Variants in SACS observed in about 807,000 individuals in gnomAD.
The protein encoded by SACS is sacsin.
In SACS, 197 loss-of-function variants were observed where a neutral mutation model predicts 348.0. The ratio of observed to expected loss-of-function variants is 0.57; its 90% confidence interval spans 0.50 to 0.64. The LOEUF is 0.64. Ranked by LOEUF, SACS falls within the 30% of genes least tolerant of loss-of-function variation. The pLI is 0.00. For synonymous variants in SACS, 1,985 were observed against 1,910.6 expected, an observed-to-expected ratio of 1.04 and a Z score of -1.02; for missense variants, 4,999 against 5,360.8, an observed-to-expected ratio of 0.93 and a Z score of 2.11.
Position 23,405,096 on chromosome 13 carries a change from A to T in SACS, c.20+6124T>A, listed in dbSNP as rs147249333. On this transcript the variant is annotated intron_variant, in intron 2 of 9. Coordinates refer to ENST00000382292, the MANE Select transcript of SACS (RefSeq NM_014363.6). Reference sequence around the variant, plus strand: ...TATGGAACCAAAAAAGAGCCCGTATAAGCCAAGATAATCTTAAGCAAAAAT... The same window carrying T: ...TATGGAACCAAAAAAGAGCCCGTATTAGCCAAGATAATCTTAAGCAAAAAT... Among the ~76,000 whole-genome samples the T allele has an allele frequency of 4.6e-5, 7 of 152,286 alleles. No homozygotes were observed. The East Asian group carries it at 1.4e-3, about 29-fold the overall frequency.
rs1215398697 is a variant in SACS, at chr13:23,333,987, C to CAA, written c.9888_9889insTT (p.Glu3297LeufsTer29). 1 of 1,613,782 alleles carries CAA rather than the reference C, an allele frequency of 6.2e-7. No homozygotes were observed. Among genetic ancestry groups the CAA allele is most frequent in the Non-Finnish European group, 8.5e-7 (1 of 1,179,848 alleles). ...CTGAGAGGAAGCAGAACATCTCCTT[C>CAA]AGGAACCACAAGCTGGTTGGCTGAA... On this transcript the variant is annotated frameshift_variant, in exon 10 of 10. Coordinates refer to ENST00000382292, the MANE Select transcript of SACS (RefSeq NM_014363.6). LOFTEE classifies it high-confidence loss of function.
At chr13:23,361,249 C>T (rs988814088) in intron 6 of SACS, among the ~76,000 whole-genome samples, 1 of 152,114 alleles carries the variant, frequency 6.6e-6, no homozygotes, top group Non-Finnish European at 1.5e-5. Context: ...GTAAAGAAAA[C>T]GAGAAGTCGG....
rs1195826873 is a variant in SACS, at chr13:23,331,087, G to C, written c.12789C>G (p.Thr4263=). ...CAGGGGTGAGGAACTCAGTGGGGCT[G>C]GTTGGTGTAGAAGGAGCACTGTCCC... is the stretch of plus-strand genomic sequence containing the variant. ...QSRDSAPSTP[T]SPTEFLTPGL... The change falls in exon 10 of 10, where the codon ACC becomes ACG. Residue 4263 remains threonine, a synonymous_variant. Coordinates refer to ENST00000382292, the MANE Select transcript of SACS (RefSeq NM_014363.6). 1.9e-6 allele frequency: 3 copies of C among 1,613,938 alleles called. No individual in the cohort carries two copies. Among genetic ancestry groups the C allele is most frequent in the East Asian group, 4.5e-5 (2 of 44,888 alleles).
At chr13:23,373,977 T>G (rs1261278020) in intron 3 of SACS, 1 of 152,282 alleles carries the variant, frequency 6.6e-6, no homozygotes, top group Non-Finnish European at 1.5e-5. Context: ...GCCCCTCCAC[T>G]GCCGCTGCTC....
intron 3 of SACS, among the ~76,000 whole-genome samples, chr13:23,372,700 T>C (rs1160694832): frequency 6.6e-6 from 1 of 152,158 alleles, no homozygotes; most frequent in African/African-American, 2.4e-5. Flanking sequence ...AAAAGCAAAC[T>C]GGTCATCATA....
At chr13:23,421,124 T>G (rs143778362) in intron 1 of SACS, among the ~76,000 whole-genome samples, 24 of 151,980 alleles carry the variant, frequency 1.6e-4, no homozygotes, top group Non-Finnish European at 3.2e-4. Context: ...TGGGGCCTTG[T>G]GTCCGCCTGG....
rs1713731105 is a variant in SACS at position 23,332,163 on chromosome 13, G to T, written c.11713C>A (p.Leu3905Ile). The T allele has an allele frequency of 7.4e-6, 12 of 1,613,888 alleles. No homozygotes were observed. Among genetic ancestry groups the T allele is most frequent in the Non-Finnish European group, 9.3e-6 (11 of 1,179,954 alleles). ...VRSDLENVRD[L>I]ALYLPSQDGR... ...TCCTGGCTTGGGAGGTAAAGCGCAAGGTCTCGTACATTCTCGAGATCACTC... is the reference window on the plus strand; with the variant it reads ...TCCTGGCTTGGGAGGTAAAGCGCAATGTCTCGTACATTCTCGAGATCACTC... Residue 3905 changes from leucine to isoleucine, a missense_variant, in exon 10 of 10, where the codon CTT (leucine) becomes ATT (isoleucine). Around this residue, in one of 6 missense-constraint regions of SACS, gnomAD observed 831 missense variants for 941.8 expected, o/e 0.88. Coordinates refer to ENST00000382292, the MANE Select transcript of SACS (RefSeq NM_014363.6).
rs766311635 is a variant in SACS, at chr13:23,368,419, C to T, written c.328G>A (p.Gly110Arg). ...LKDILRRYPE[G>R]GQILKELIQN... ...TGCCCCACCTTAAGAATCTGTCCTC[C>T]TTCTGGATATCTTCTCAAAATGTCC... Residue 110 changes from glycine (G) to arginine (R), a missense_variant, in exon 5 of 10, where the codon GGA (glycine) becomes AGA (arginine). Gly to Arg is a moderately radical substitution (Grantham distance 125). This residue lies in a region of SACS where 3,156 missense variants were observed against 3,380.1 expected (regional missense o/e 0.93). Coordinates refer to ENST00000382292, the MANE Select transcript of SACS (RefSeq NM_014363.6). 19 of 1,611,974 alleles carry T rather than the reference C, an allele frequency of 1.2e-5. No individual in the cohort carries two copies. The highest frequency in any genetic ancestry group is 8.4e-5 in the Admixed American group (5 of 59,828).
chr13:23,396,371 C>T (rs1038822726), intron 2 of SACS, among the ~76,000 whole-genome samples: 1 of 151,390 alleles, frequency 6.6e-6, no homozygotes, highest in African/African-American at 2.4e-5. Context: ...CCTAAAACTC[C>T]CAGAAATCCA....
chr13:23,399,434 G>A (rs78929687), intron 2 of SACS, among the ~76,000 whole-genome samples: 24,602 of 151,894 alleles, frequency 0.16, 2,314 homozygotes, highest in Non-Finnish European at 0.21. Flanking sequence ...TGCCCCTCCC[G>A]CCGAAACTAC....
At position 23,329,381 on chromosome 13, in the gene SACS, A is replaced by G; in HGVS notation, c.*755T>C. On this transcript the variant is annotated 3_prime_UTR_variant, in exon 10 of 10. Coordinates refer to ENST00000382292, the MANE Select transcript of SACS (RefSeq NM_014363.6). ...TAAAGCAAGTGTTCTAACAGTTAAT[A>G]AATGTTGTCTTGGCAAGCAGTTTCC... 1 of 741,616 alleles carries G rather than the reference A, an allele frequency of 1.3e-6. No homozygotes were observed. Among genetic ancestry groups the G allele is most frequent in the Non-Finnish European group, 2.5e-6 (1 of 403,798 alleles). The allele number at this position is 741,616 out of a possible 1,614,324, so 45.9% of individuals were successfully genotyped here. A position where few individuals can be genotyped will look rare whatever the true frequency, so the allele number is the denominator to read the frequency against.
intron 2 of SACS, among the ~76,000 whole-genome samples, chr13:23,391,060 C>T (rs532891178): frequency 1.3e-5 from 2 of 152,348 alleles, no homozygotes; most frequent in Admixed American, 6.5e-5. Flanking sequence ...AACACAGGGT[C>T]TCTGGGAATT....
At chr13:23,365,311 A>G (rs1870998219) in intron 5 of SACS, 34 bp from the exon 6 acceptor site, 1 of 1,177,378 alleles carries the variant, frequency 8.5e-7, no homozygotes, top group African/African-American at 1.5e-5. Context: ...ATAGTAATTA[A>G]TAACACAGTA....
rs1314005690 is a variant in SACS, at chr13:23,337,478, T to C, written c.6398A>G (p.Tyr2133Cys). 1 of 1,613,884 alleles carries C rather than the reference T, an allele frequency of 6.2e-7. No individual in the cohort carries two copies. Among genetic ancestry groups the C allele is most frequent in the Admixed American group, 1.7e-5 (1 of 59,998 alleles). Residue 2133 changes from tyrosine to cysteine, a missense_variant, in exon 10 of 10, where the codon TAT becomes TGT. Transcript: ENST00000382292. ...LFDIKDGRFP[Y>C]GSTQDYLNPI... ...ATTGAGATAATCCTGAGTAGAACCATAAGGGAATCTCCCATCTTTAATATC... is the reference window on the plus strand; with the variant it reads ...ATTGAGATAATCCTGAGTAGAACCACAAGGGAATCTCCCATCTTTAATATC...
At chr13:23,421,929 T>A (rs1245928834) in intron 1 of SACS, among the ~76,000 whole-genome samples, 1 of 151,762 alleles carries the variant, frequency 6.6e-6, no homozygotes, top group East Asian at 1.9e-4. Context: ...CGGGGGCCCA[T>A]GTGTCAACTT....
rs200161053 is a variant in SACS at position 23,400,689 on chromosome 13, T to G, written c.20+10531A>C. On this transcript the variant is annotated intron_variant, in intron 2 of 9. Coordinates refer to ENST00000382292, the MANE Select transcript of SACS (RefSeq NM_014363.6). ...CCCGCCTCGGCCTCCCAAAGTGCTGTGATTACAGGCGTGAGCCACCGCGCC... is the reference window on the plus strand; with the variant it reads ...CCCGCCTCGGCCTCCCAAAGTGCTGGGATTACAGGCGTGAGCCACCGCGCC... Among the ~76,000 whole-genome samples, 606 of 152,278 alleles carry G rather than the reference T, an allele frequency of 4.0e-3. 5 individuals carry two copies. The highest frequency in any genetic ancestry group is 7.1e-3 in the Non-Finnish European group (484 of 68,006).
Position 23,331,162 on chromosome 13 carries a change from G to A in SACS, c.12714C>T (p.Ser4238=), listed in dbSNP as rs1883449068. The A allele has an allele frequency of 1.2e-6, 2 of 1,613,700 alleles. No homozygotes were observed. The highest frequency in any genetic ancestry group is 2.2e-5 in the South Asian group (2 of 91,082). The change falls in exon 10 of 10, where the codon AGC becomes AGT. Residue 4238 remains serine, a synonymous_variant. Coordinates refer to ENST00000382292, the MANE Select transcript of SACS (RefSeq NM_014363.6). ...DIGYSEYKIV[S]SLDLYKFSRP... ...TTGAAAACTTATACAGATCAAGAGA[G>A]CTAACTATTTTATATTCACTATAAC... is the stretch of plus-strand genomic sequence containing the variant.
chr13:23,332,460 G>C lies in SACS; in HGVS notation c.11416C>G (p.Leu3806Val). 6.2e-7 allele frequency: 1 copy of C among 1,614,000 alleles called. No individual in the cohort carries two copies. The highest frequency in any genetic ancestry group is 8.5e-7 in the Non-Finnish European group (1 of 1,179,918). ...FVMVEDGWKL[L>V]KPEEVVINLE... The stretch of plus-strand genomic sequence containing the variant: ...TTTATGACTACCTCCTCAGGCTTCA[G>C]AAGTTTCCAACCATCTTCTACCATC... Residue 3806 changes from leucine (L) to valine (V), a missense_variant, in exon 10 of 10, where the codon CTG becomes GTG. By Grantham distance (32) the Leu-to-Val change is conservative. Around this residue, in one of 6 missense-constraint regions of SACS, gnomAD observed 831 missense variants for 941.8 expected, o/e 0.88. Coordinates refer to ENST00000382292, the MANE Select transcript of SACS (RefSeq NM_014363.6).
intron 1 of SACS, among the ~76,000 whole-genome samples, chr13:23,413,958 G>T (rs1168789608): frequency 2.6e-5 from 4 of 152,154 alleles, no homozygotes; most frequent in Non-Finnish European, 5.9e-5. Context: ...AAAATTAAAA[G>T]AGGTCATGTA....
Sources: gnomAD v4.1 joint callset for allele counts (sites outside exome capture counted in the v4.1 genomes callset) on GRCh38, gnomAD v4.1.1 for gene constraint, gnomAD v4.1.1 regional missense constraint, MANE v1.5 for transcripts, NCBI Gene and HGNC (gene_info 2026-07-23, HGNC 2026-07-21) for gene names.